The following EVC variants were observed in gnomAD, a reference collection of about 807,000 sequenced individuals.
EVC encodes evC complex member EVC.
In EVC, 116 loss-of-function variants were observed where a neutral mutation model predicts 118.9. The observed-to-expected ratio is 0.98, with a 90% CI of 0.84 to 1.14. The LOEUF is 1.14. EVC is among the 50% of genes most tolerant of loss of function. EVC has a pLI of 0.00. For missense variants in EVC, 1,401 were observed against 1,246.4 expected, an observed-to-expected ratio of 1.12 and a Z score of -1.87; for synonymous variants, 619 against 534.7, an observed-to-expected ratio of 1.16 and a Z score of -2.18.
At chr4:5,775,532 T>C (rs1734594015) in intron 11 of EVC, among the ~76,000 whole-genome samples, 1 of 152,166 alleles carries the variant, frequency 6.6e-6, no homozygotes, top group Non-Finnish European at 1.5e-5. Flanking sequence ...ATAAATGGAA[T>C]CATACAGCAT....
intron 11 of EVC, among the ~76,000 whole-genome samples, chr4:5,779,581 G>C (rs1236877064): frequency 1.6e-5 from 2 of 123,770 alleles, no homozygotes; most frequent in Non-Finnish European, 3.3e-5. Context: ...GGATTCCTAG[G>C]TATTTTATTC....
intron 15 of EVC, among the ~76,000 whole-genome samples, chr4:5,799,367 T>G (rs1714558437): frequency 6.6e-6 from 1 of 152,232 alleles, no homozygotes; most frequent in Admixed American, 6.5e-5. Context: ...ACTAAGTGCT[T>G]CTTCCTACCT....
chr4:5,723,403 C>T (rs562662432), intron 2 of EVC, among the ~76,000 whole-genome samples: 2 of 152,022 alleles, frequency 1.3e-5, no homozygotes, highest in South Asian at 4.1e-4. Flanking sequence ...GTTGGTCAGG[C>T]TGGTCTCAAA....
At chr4:5,774,699 GC>G (rs1734463576) in intron 11 of EVC, among the ~76,000 whole-genome samples, 1 of 152,112 alleles carries the variant, frequency 6.6e-6, no homozygotes, top group East Asian at 1.9e-4. Context: ...GGCTGTGTGT[GC>G]TTCTGTTTGA....
downstream of EVC, among the ~76,000 whole-genome samples, chr4:5,814,767 C>G (rs529300077): frequency 1.3e-5 from 2 of 152,088 alleles, no homozygotes; most frequent in African/African-American, 4.8e-5. Context: ...CCCCTGCCCC[C>G]CTCCCCAGCC....
intron 11 of EVC, among the ~76,000 whole-genome samples, chr4:5,777,749 C>A (rs984831166): frequency 6.6e-6 from 1 of 152,128 alleles, no homozygotes; most frequent in South Asian, 2.1e-4. Flanking sequence ...GTCATGGTCA[C>A]TTTATTCTGA....
intron 11 of EVC, among the ~76,000 whole-genome samples, chr4:5,782,536 GAAAAAAAAAAAAAAAA>G (rs71171483): frequency 2.2e-4 from 10 of 45,748 alleles, no homozygotes; most frequent in East Asian, 2.8e-3. Context: ...TGTTTTAAAT[GAAAAAAAAAAAAAAAA>G]AAAAAAAAAA....
At chr4:5,815,805 A>C (rs1198178479), downstream of EVC, among the ~76,000 whole-genome samples, 1 of 152,142 alleles carries the variant, frequency 6.6e-6, no homozygotes. Flanking sequence ...CCTGGAATGT[A>C]CACCATTGAC....
chr4:5,795,837 A>G (rs990267234), intron 13 of EVC, among the ~76,000 whole-genome samples: 5 of 152,164 alleles, frequency 3.3e-5, no homozygotes, highest in African/African-American at 1.2e-4. Flanking sequence ...ATGCTGATAT[A>G]TATTTGGGTT....
chr4:5,811,142 G>T lies in EVC; in HGVS notation c.*105G>T, dbSNP rs536130735. The stretch of plus-strand genomic sequence containing the variant: ...GGCAGCGAGGACGGAGAGGACAGCG[G>T]CATCTCTAGGCTCTTCTGAGAGGGA... On this transcript the variant is annotated 3_prime_UTR_variant, in exon 21 of 21. Transcript: ENST00000264956. The T allele has an allele frequency of 3.3e-5, 28 of 846,866 alleles. No individual in the cohort carries two copies. In the African/African-American group the frequency reaches 3.9e-4, roughly 12 times the overall value. The allele number at this position is 846,866 out of a possible 1,614,324, so 52.5% of individuals were successfully genotyped here.
intron 11 of EVC, among the ~76,000 whole-genome samples, chr4:5,759,284 C>T (rs561674334): frequency 6.6e-5 from 10 of 152,104 alleles, no homozygotes; most frequent in South Asian, 2.1e-4. Context: ...TTGAAAGAGC[C>T]AGACTACAGT....
chr4:5,781,484 G>C (rs62297675), intron 11 of EVC, among the ~76,000 whole-genome samples: 8,871 of 152,154 alleles, frequency 0.058, 295 homozygotes, highest in Non-Finnish European at 0.074. Flanking sequence ...GATTTTTCAG[G>C]GCGAGGAGTC....
chr4:5,711,361 C>T lies in EVC; in HGVS notation c.-20C>T. ...CAGCAGGCGGCGGGATGCGGCGGGGCGGCAGCCTGAGCGCCCCGGATGGCC... is the reference window on the plus strand; with the variant it reads ...CAGCAGGCGGCGGGATGCGGCGGGGTGGCAGCCTGAGCGCCCCGGATGGCC... On this transcript the variant is annotated 5_prime_UTR_variant, in exon 1 of 21. Transcript: ENST00000264956. The T allele has an allele frequency of 3.0e-6, 3 of 1,008,232 alleles. No individual in the cohort carries two copies. The highest frequency in any genetic ancestry group is 3.5e-6 in the Non-Finnish European group (3 of 846,336). The allele number at this position is 1,008,232 out of a possible 1,614,324, so 62.5% of individuals were successfully genotyped here. A position where few individuals can be genotyped will look rare whatever the true frequency, so the allele number is the denominator to read the frequency against.
In EVC at chr4:5,711,651, G is replaced by A. The variant is rs1019141790; in HGVS notation, c.174+97G>A. On this transcript the variant is annotated intron_variant, in intron 1 of 20. Transcript: ENST00000264956. ...GAGCCCCGGCTCTGCGACTCCTTGA[G>A]CCTGGTTGGGAACTTCGCACGCAAC... The A allele has an allele frequency of 3.0e-5, 29 of 968,150 alleles. No individual in the cohort carries two copies. In the African/African-American group the frequency reaches 4.9e-4, roughly 16 times the overall value. The allele number at this position is 968,150 out of a possible 1,614,324, so 60.0% of individuals were successfully genotyped here.
In EVC at chr4:5,737,758, A is replaced by C. The variant is rs1727922958; in HGVS notation, c.703-3958A>C. Among the ~76,000 whole-genome samples the C allele has an allele frequency of 6.6e-6, 1 of 152,184 alleles. No individual in the cohort carries two copies. ...ACTTCTTTTCAAAATGTTACTGGTC[A>C]TTTTCAAAACCCCTGGTCACCCGAG... On this transcript the variant is annotated intron_variant, in intron 5 of 20. Transcript: ENST00000264956. This position sits in a 1 kb window ranked among gnomAD's most constrained non-coding sequence, Gnocchi z 5.0.
chr4:5,750,646 A>G (rs2152064984), intron 8 of EVC, among the ~76,000 whole-genome samples: 1 of 152,294 alleles, frequency 6.6e-6, no homozygotes, highest in East Asian at 1.9e-4. Flanking sequence ...GCTCTCTCAC[A>G]GGGTAGTTGA....
At chr4:5,804,094 C>T (rs570326712) in intron 16 of EVC, among the ~76,000 whole-genome samples, 3 of 152,206 alleles carry the variant, frequency 2.0e-5, no homozygotes, top group East Asian at 1.9e-4. Context: ...CATGTCACTG[C>T]GCCTGGCTCA....
In EVC at chr4:5,742,605, C is replaced by A. The variant is rs959924007; in HGVS notation, c.801+791C>A. Among the ~76,000 whole-genome samples the A allele has an allele frequency of 6.6e-6, 1 of 152,206 alleles. No individual in the cohort carries two copies. On this transcript the variant is annotated intron_variant, in intron 6 of 20. Transcript: ENST00000264956. The surrounding 1 kb of genome is among the most constrained non-coding windows in gnomAD (Gnocchi z 5.2). ...ACCATCATCATCATCCTCATGACCGCTGTCATCACCAACACCATCACCATC... is the reference window on the plus strand; with the variant it reads ...ACCATCATCATCATCCTCATGACCGATGTCATCACCAACACCATCACCATC...
At chr4:5,711,941 C>T (rs1399296715) in intron 1 of EVC, among the ~76,000 whole-genome samples, 1 of 152,218 alleles carries the variant, frequency 6.6e-6, no homozygotes, top group African/African-American at 2.4e-5. Context: ...CCTCTTCCAT[C>T]CTTGCGGTGT....
Sources: allele counts gnomAD v4.1 joint callset (sites outside exome capture counted in the v4.1 genomes callset), GRCh38; gene constraint gnomAD v4.1.1; non-coding constraint Gnocchi (gnomAD v3.1); transcripts MANE v1.5; gene names NCBI Gene and HGNC (gene_info 2026-07-23, HGNC 2026-07-21).